ZFAT: variants seen among roughly 807,000 people sequenced by gnomAD.
The protein encoded by ZFAT is zinc finger protein ZFAT.
ZFAT carries 64 observed loss-of-function variants against 117.7 expected under a neutral mutation model. The ratio of observed to expected loss-of-function variants is 0.54; its 90% CI spans 0.44 to 0.67. ZFAT has a LOEUF of 0.67. ZFAT is among the 30% of genes least tolerant of loss of function. The pLI is 0.00. For missense variants in ZFAT, 1,433 were observed against 1,584.5 expected, an observed-to-expected ratio of 0.90 and a Z score of 1.62; for synonymous variants, 679 against 615.0, an observed-to-expected ratio of 1.10 and a Z score of -1.54.
chr8:134,536,473 C>A (rs914973038), intron 11 of ZFAT, among the ~76,000 whole-genome samples: 1 of 152,212 alleles, frequency 6.6e-6, no homozygotes, highest in Non-Finnish European at 1.5e-5. Context: ...AGTCAATTAC[C>A]ACCCATTTTC....
At chr8:134,633,334 CA>C in intron 3 of ZFAT, among the ~76,000 whole-genome samples, 1 of 152,162 alleles carries the variant, frequency 6.6e-6, no homozygotes, top group South Asian at 2.1e-4. Context: ...CACTAAAAAA[CA>C]GCTCGTTAAA....
intron 15 of ZFAT, among the ~76,000 whole-genome samples, chr8:134,504,836 C>T (rs1026488997): frequency 2.0e-5 from 3 of 152,170 alleles, no homozygotes; most frequent in African/African-American, 7.2e-5. Flanking sequence ...TCTTCCACCA[C>T]CCCTACCTCT....
the ZFAT span, among the ~76,000 whole-genome samples, chr8:134,720,222 C>A: frequency 1.3e-5 from 2 of 152,234 alleles, no homozygotes; most frequent in African/African-American, 4.8e-5. Context: ...CTGCACTGTG[C>A]AAAAGAACTA....
the ZFAT span, among the ~76,000 whole-genome samples, chr8:134,762,011 T>TGTGTGTGTGC: frequency 6.0e-5 from 9 of 150,024 alleles, no homozygotes; most frequent in African/African-American, 2.0e-4. Flanking sequence ...TGTGTGTGTG[T>TGTGTGTGTGC]GCAAATGTGT....
intron 15 of ZFAT, among the ~76,000 whole-genome samples, chr8:134,494,637 C>T (rs1477273516): frequency 6.6e-6 from 1 of 152,212 alleles, no homozygotes; most frequent in Non-Finnish European, 1.5e-5. Flanking sequence ...GCTGGCAGGA[C>T]CCAGGTCGTA....
At chr8:134,588,511 T>A in intron 8 of ZFAT, 116 bp from the exon 9 acceptor site, 1 of 1,150,870 alleles carries the variant, frequency 8.7e-7, no homozygotes, top group Non-Finnish European at 1.2e-6. Context: ...CCTCATGGTG[T>A]CCAGAGACAG....
At chr8:134,733,793 T>A in the ZFAT span, among the ~76,000 whole-genome samples, 1 of 152,234 alleles carries the variant, frequency 6.6e-6, no homozygotes, top group Non-Finnish European at 1.5e-5. Flanking sequence ...ACTTGATGGC[T>A]TGAGGGATGT....
intron 15 of ZFAT, among the ~76,000 whole-genome samples, chr8:134,508,372 TTAAGAAA>T (rs1436855497): frequency 6.6e-6 from 1 of 152,252 alleles, no homozygotes; most frequent in Non-Finnish European, 1.5e-5. Flanking sequence ...GAGTGCCTCA[TTAAGAAA>T]TATCTTATTT....
chr8:134,508,831 C>T (rs1162891535), intron 15 of ZFAT, among the ~76,000 whole-genome samples: 7 of 152,180 alleles, frequency 4.6e-5, no homozygotes, highest in Non-Finnish European at 1.0e-4. Flanking sequence ...TCAGAAACTC[C>T]ATGGTTTGCA....
chr8:134,778,406 AT>A, the ZFAT span, among the ~76,000 whole-genome samples: 1 of 152,170 alleles, frequency 6.6e-6, no homozygotes, highest in Non-Finnish European at 1.5e-5. Context: ...TATGAAGAGA[AT>A]TCTCTTTTTT....
intron 9 of ZFAT, among the ~76,000 whole-genome samples, chr8:134,584,637 T>C (rs1183871459): frequency 1.3e-5 from 2 of 152,200 alleles, no homozygotes; most frequent in Non-Finnish European, 2.9e-5. Flanking sequence ...CACTCCTTCA[T>C]TCACTAAGTG....
chr8:134,541,179 T>C (rs1337733985), intron 11 of ZFAT, among the ~76,000 whole-genome samples: 2 of 152,250 alleles, frequency 1.3e-5, no homozygotes, highest in Non-Finnish European at 2.9e-5. Flanking sequence ...TGAAATGTAG[T>C]ATTACTGAGT....
At chr8:134,675,414 G>A (rs1563753101) in intron 1 of ZFAT, among the ~76,000 whole-genome samples, 1 of 152,146 alleles carries the variant, frequency 6.6e-6, no homozygotes, top group Non-Finnish European at 1.5e-5. Flanking sequence ...AAAAAAGGGT[G>A]AAAAGAAGCA....
rs1222263041 is a variant in ZFAT, at chr8:134,638,552, AAAAAAAACAAAAC to A, written c.197-853_197-841del. On this transcript the variant is annotated intron_variant, in intron 2 of 15. Transcript: ENST00000377838. ...AACTCTGTCTCTACTAAAAATACAA[AAAAAAAACAAAAC>A]AAAAAAAAAAAACATTAACCAGGCG... 4.4e-4 allele frequency among the ~76,000 whole-genome samples: 11 copies of A among 25,082 alleles called. 2 individuals carry two copies. Among genetic ancestry groups the A allele is most frequent in the Admixed American group, 1.2e-3 (3 of 2,478 alleles). The allele number at this position is 25,082 out of a possible 152,430, so 16.5% of individuals were successfully genotyped here. A position where few individuals can be genotyped will look rare whatever the true frequency, so the allele number is the denominator to read the frequency against.
At chr8:134,581,433 G>T (rs761629199) in intron 10 of ZFAT, among the ~76,000 whole-genome samples, 75 of 152,132 alleles carry the variant, frequency 4.9e-4, no homozygotes, top group Non-Finnish European at 9.6e-4. Context: ...GAGAATTGAG[G>T]CTGAAAGAAA....
chr8:134,726,256 T>C, the ZFAT span, among the ~76,000 whole-genome samples: 1 of 152,176 alleles, frequency 6.6e-6, no homozygotes, highest in Non-Finnish European at 1.5e-5. Context: ...GAGATTCAAG[T>C]GCCCTGTTTG....
chr8:134,811,186 A>G, the ZFAT span, among the ~76,000 whole-genome samples: 4 of 152,234 alleles, frequency 2.6e-5, no homozygotes, highest in African/African-American at 9.6e-5. Flanking sequence ...ACGTTTCAAA[A>G]GAAAGATGAT....
intron 1 of ZFAT, among the ~76,000 whole-genome samples, chr8:134,699,120 GC>G (rs1282049824): frequency 3.3e-5 from 5 of 151,946 alleles, no homozygotes; most frequent in African/African-American, 1.2e-4. Flanking sequence ...CTTAATCATT[GC>G]CCCTCACCCC....
At chr8:134,708,123 G>C (rs1813855668) in intron 1 of ZFAT, among the ~76,000 whole-genome samples, 1 of 152,220 alleles carries the variant, frequency 6.6e-6, no homozygotes. Context: ...TCTTACATGT[G>C]AACTCTAAAA....
Sources: gnomAD v4.1 joint callset for allele counts (sites outside exome capture counted in the v4.1 genomes callset) on GRCh38, gnomAD v4.1.1 for gene constraint, MANE v1.5 for transcripts, NCBI Gene and HGNC (gene_info 2026-07-23, HGNC 2026-07-21) for gene names.